The following CFAP47 variants were observed in gnomAD, a reference collection of about 807,000 sequenced individuals.
CFAP47 encodes the protein cilia- and flagella-associated protein 47.
In CFAP47, 29 loss-of-function variants were observed where a neutral mutation model predicts 148.1. The ratio of observed to expected loss-of-function variants is 0.20; its 90% CI spans 0.15 to 0.27. The LOEUF (loss-of-function observed/expected upper bound fraction) is 0.27, where lower values mean the gene tolerates loss of function less well. Among genes scored for constraint, CFAP47 ranks in the 10% least tolerant of loss-of-function variants. The probability of loss-of-function intolerance (pLI) is 1.00; values close to 1 mark genes in which losing one functional copy is unlikely to be tolerated. For synonymous variants in CFAP47, 664 were observed against 577.3 expected, an observed-to-expected ratio of 1.15 and a Z score of -2.15; for missense variants, 1,872 against 1,697.5, an observed-to-expected ratio of 1.10 and a Z score of -1.81.
rs1190232860 is a variant in CFAP47, at chrX:35,966,610, G to C, written c.1456G>C (p.Val486Leu). 3 of 1,132,231 alleles carry C rather than the reference G, an allele frequency of 2.6e-6. No homozygotes were observed. The highest frequency in any genetic ancestry group is 3.5e-6 in the Non-Finnish European group (3 of 850,813). 93.3% of individuals were successfully genotyped at this position (1,132,231 alleles called of 1,213,427 possible). A position where few individuals can be genotyped will look rare whatever the true frequency, so the allele number is the denominator to read the frequency against. ...TCCACATCAACTTGGAGTCTTCAAAGTGAAGCAGATGATAGAGATTATTGG... is the reference window on the plus strand; with the variant it reads ...TCCACATCAACTTGGAGTCTTCAAACTGAAGCAGATGATAGAGATTATTGG... ...FVPHQLGVFK[V>L]KQMIEIIGLV... The change falls in exon 9 of 64, where the codon GTG (valine) becomes CTG (leucine). Residue 486 changes from valine to leucine, a missense_variant. Physicochemically the swap from Val to Leu is conservative, Grantham distance 32 (BLOSUM62 1). Coordinates refer to ENST00000378653, the MANE Select transcript of CFAP47 (RefSeq NM_001304548.2).
intron 27 of CFAP47, among the ~76,000 whole-genome samples, chrX:36,067,878 C>G (rs1440082149): frequency 1.8e-5 from 2 of 110,338 alleles, no homozygotes; most frequent in African/African-American, 6.6e-5. Flanking sequence ...GTCTCAATCT[C>G]CTGACCTCGT....
intron 49 of CFAP47, among the ~76,000 whole-genome samples, chrX:36,273,084 A>G (rs1556002115): frequency 9.0e-6 from 1 of 111,474 alleles, no homozygotes; most frequent in East Asian, 2.8e-4. Flanking sequence ...AGAGTTAACT[A>G]AGATGATGAA....
chrX:36,081,285 A>G (rs916721288), intron 29 of CFAP47, among the ~76,000 whole-genome samples: 9 of 111,551 alleles, frequency 8.1e-5, no homozygotes, highest in African/African-American at 2.9e-4. Context: ...CATCCTCTCA[A>G]GATTGAATCA....
At chrX:36,320,470 A>C (rs1272889139) in intron 57 of CFAP47, among the ~76,000 whole-genome samples, 1 of 111,971 alleles carries the variant, frequency 8.9e-6, no homozygotes, top group Non-Finnish European at 1.9e-5. Flanking sequence ...GGACAGGTGG[A>C]TGTTATTATT....
intron 45 of CFAP47, among the ~76,000 whole-genome samples, chrX:36,224,341 A>AC (rs1387097459): frequency 9.0e-6 from 1 of 111,640 alleles, no homozygotes; most frequent in Non-Finnish European, 1.9e-5. Flanking sequence ...AACTGAAAAA[A>AC]AGTGTTTTAA....
intron 48 of CFAP47, among the ~76,000 whole-genome samples, chrX:36,249,095 TAA>T (rs35410211): frequency 0.039 from 4,245 of 109,622 alleles, 201 homozygotes; most frequent in African/African-American, 0.13. Context: ...AGAAAGATGT[TAA>T]GTCAGTTACC....
intron 21 of CFAP47, among the ~76,000 whole-genome samples, chrX:36,013,143 T>A (rs1332512964): frequency 8.9e-6 from 1 of 111,950 alleles, no homozygotes; most frequent in African/African-American, 3.2e-5. Context: ...GAAGCCAACC[T>A]TTTTAGTTTT....
intron 32 of CFAP47, among the ~76,000 whole-genome samples, chrX:36,101,017 C>T (rs2146792854): frequency 9.0e-6 from 1 of 111,195 alleles, no homozygotes; most frequent in Admixed American, 9.6e-5. Context: ...GTTCCTTCTT[C>T]TGCATGATTC....
intron 33 of CFAP47, among the ~76,000 whole-genome samples, chrX:36,109,302 A>G (rs765117020): frequency 9.9e-5 from 11 of 111,167 alleles, no homozygotes; most frequent in Non-Finnish European, 1.5e-4. Flanking sequence ...TTCCTTGGGT[A>G]TATACCCAAT....
chrX:36,357,636 T>C (rs1432739550), intron 60 of CFAP47, among the ~76,000 whole-genome samples: 1 of 112,013 alleles, frequency 8.9e-6, no homozygotes, highest in African/African-American at 3.2e-5. Context: ...TATTGTCCTA[T>C]TGAAATATTA....
chrX:36,271,425 C>T (rs1251530028), intron 49 of CFAP47, among the ~76,000 whole-genome samples: 1 of 111,052 alleles, frequency 9.0e-6, no homozygotes, highest in African/African-American at 3.3e-5. Context: ...ATTGCAAAGA[C>T]AGAAAATGCT....
chrX:36,355,870 G>A (rs781978809), intron 60 of CFAP47, among the ~76,000 whole-genome samples: 2 of 112,091 alleles, frequency 1.8e-5, no homozygotes, highest in Non-Finnish European at 3.8e-5. Flanking sequence ...TCATGTTACA[G>A]TAACTGTAAA....
At chrX:35,936,542 A>T (rs145590302) in intron 2 of CFAP47, among the ~76,000 whole-genome samples, 21 of 108,590 alleles carry the variant, frequency 1.9e-4, no homozygotes, top group Non-Finnish European at 3.8e-4. Context: ...TGCTCTCATC[A>T]AAATCGTTAT....
In CFAP47 at chrX:35,951,374, C is replaced by A. The variant is rs372098613; in HGVS notation, c.885+15C>A. ...GAGAAGAATTGGTAAGTAAGTGGTGCGACAGGGATATCAGATATTATGACT... is the reference window on the plus strand; with the variant it reads ...GAGAAGAATTGGTAAGTAAGTGGTGAGACAGGGATATCAGATATTATGACT... On this transcript the variant is annotated intron_variant, in intron 5 of 63. Coordinates refer to ENST00000378653, the MANE Select transcript of CFAP47 (RefSeq NM_001304548.2). 2.5e-5 allele frequency: 25 copies of A among 1,009,397 alleles called. No homozygotes were observed. The highest frequency in any genetic ancestry group is 3.3e-5 in the Non-Finnish European group (24 of 717,721). 83.2% of individuals were successfully genotyped at this position (1,009,397 alleles called of 1,213,427 possible).
At chrX:36,373,135 G>T (rs1301741051) in intron 62 of CFAP47, among the ~76,000 whole-genome samples, 2 of 110,867 alleles carry the variant, frequency 1.8e-5, no homozygotes, top group African/African-American at 6.5e-5. Flanking sequence ...GGGTAGTATG[G>T]ACATTTTAAC....
chrX:36,380,112 A>G (rs1230239018), intron 63 of CFAP47, among the ~76,000 whole-genome samples: 1 of 112,024 alleles, frequency 8.9e-6, no homozygotes, highest in Non-Finnish European at 1.9e-5. Context: ...TTATAGTAAG[A>G]GCTTTCAGGC....
intron 37 of CFAP47, 135 bp from the exon 38 acceptor site, chrX:36,159,291 G>A (rs983480356): frequency 7.0e-6 from 2 of 285,670 alleles, no homozygotes; most frequent in African/African-American, 5.5e-5. Context: ...TAGATTGTAG[G>A]CTTCTTGATA....
intron 33 of CFAP47, among the ~76,000 whole-genome samples, chrX:36,117,416 G>T (rs1938660716): frequency 8.9e-6 from 1 of 111,937 alleles, no homozygotes; most frequent in African/African-American, 3.2e-5. Context: ...GCCAACATTT[G>T]TTAGAATCTG....
At chrX:36,043,648 G>A (rs1201701624) in intron 25 of CFAP47, among the ~76,000 whole-genome samples, 5 of 112,769 alleles carry the variant, frequency 4.4e-5, no homozygotes, top group Admixed American at 1.9e-4. Context: ...CCCTTGGCCA[G>A]CTCTGTCCCT....
Sources: gnomAD v4.1 joint callset for allele counts (sites outside exome capture counted in the v4.1 genomes callset) on GRCh38, gnomAD v4.1.1 for gene constraint, MANE v1.5 for transcripts, NCBI Gene and HGNC (gene_info 2026-07-23, HGNC 2026-07-21) for gene names.